ITSN1: variants seen among roughly 807,000 people sequenced by gnomAD.
The protein encoded by ITSN1 is intersectin 1, also known as intersectin-1.
Under a neutral mutation model 239.8 loss-of-function variants are expected in ITSN1, and 58 were observed. The ratio of observed to expected loss-of-function variants is 0.24; its 90% CI spans 0.20 to 0.30. ITSN1 has a LOEUF of 0.30. Ranked by LOEUF, ITSN1 falls within the 10% of genes least tolerant of loss-of-function variation. The pLI is 1.00. For missense variants in ITSN1, 1,558 were observed against 2,103.3 expected (o/e 0.74, Z 5.07); for synonymous variants, 780 against 770.8 (o/e 1.01, Z -0.20).
intron 1 of ITSN1, among the ~76,000 whole-genome samples, chr21:33,658,205 GTCA>G (rs1568860455): frequency 6.6e-6 from 1 of 152,122 alleles, no homozygotes; most frequent in Non-Finnish European, 1.5e-5. Context: ...GTGGAAGTGG[GTCA>G]TCATAACATT....
intron 23 of ITSN1, 89 bp downstream of exon 23, chr21:33,818,561 G>A (rs924644197): frequency 1.4e-5 from 16 of 1,160,484 alleles, no homozygotes; most frequent in Middle Eastern, 2.4e-4. Context: ...ACAGACAGGA[G>A]TTGCGGGATT....
At chr21:33,785,785 G>C (rs532919284) in intron 16 of ITSN1, among the ~76,000 whole-genome samples, 2 of 152,010 alleles carry the variant, frequency 1.3e-5, no homozygotes, top group African/African-American at 2.4e-5. Flanking sequence ...GAAATTGAAG[G>C]CTCATTTTTT....
At chr21:33,727,350 T>C (rs2065888463) in intron 4 of ITSN1, among the ~76,000 whole-genome samples, 1 of 151,808 alleles carries the variant, frequency 6.6e-6, no homozygotes, top group Non-Finnish European at 1.5e-5. Context: ...GGATGAGGGC[T>C]CTGGAATCTG....
chr21:33,728,995 C>T (rs1248520769), intron 4 of ITSN1, among the ~76,000 whole-genome samples: 1 of 152,152 alleles, frequency 6.6e-6, no homozygotes, highest in Non-Finnish European at 1.5e-5. Context: ...GAGAGATGAG[C>T]AGCCTGAGGC....
In ITSN1 at chr21:33,751,967, A is replaced by C. The variant is rs112669669; in HGVS notation, c.623+61A>C. The C allele has an allele frequency of 1.7e-3, 1,852 of 1,073,246 alleles. 23 individuals are homozygous for C. In the African/African-American group the frequency reaches 0.026, roughly 15 times the overall value. 66.5% of individuals were successfully genotyped at this position (1,073,246 alleles called of 1,614,324 possible). ...AAGGCCATTACCTGATTAAATCATA[A>C]ATTTGACCATGAATCATCTATATTC... On this transcript the variant is annotated intron_variant, in intron 7 of 39. Transcript: ENST00000381318.
intron 25 of ITSN1, among the ~76,000 whole-genome samples, chr21:33,824,862 C>T (rs1206150195): frequency 2.6e-5 from 4 of 152,192 alleles, no homozygotes; most frequent in African/African-American, 9.7e-5. Context: ...AGTCTGCCCA[C>T]CCTTGGAGAA....
rs746335223 is a variant in ITSN1 at position 33,781,495 on chromosome 21, A to G, written c.1631A>G (p.Glu544Gly). The G allele has an allele frequency of 6.3e-7, 1 of 1,598,916 alleles. No homozygotes were observed. Among genetic ancestry groups the G allele is most frequent in the South Asian group, 1.1e-5 (1 of 88,720 alleles). ...CAAATGCTTGGAAGACTTATTCCAG[A>G]AAAACAGATACTCAATGACCAATTA... ...SQQMLGRLIP[E>G]KQILNDQLKQ... Residue 544 changes from glutamate (E) to glycine (G), a missense_variant, in exon 15 of 40, where the codon GAA becomes GGA. This residue lies in a region of ITSN1 where 982 missense variants were observed against 1,209.9 expected (regional missense o/e 0.81). Coordinates refer to ENST00000381318, the MANE Select transcript of ITSN1 (RefSeq NM_003024.3).
chr21:33,654,571 C>T (rs2088868154), intron 1 of ITSN1, among the ~76,000 whole-genome samples: 1 of 152,072 alleles, frequency 6.6e-6, no homozygotes, highest in Admixed American at 6.5e-5. Context: ...TTCTTCCTAC[C>T]TCCTTCTCTA....
intron 5 of ITSN1, among the ~76,000 whole-genome samples, chr21:33,739,313 A>G (rs1181967346): frequency 6.6e-6 from 1 of 152,104 alleles, no homozygotes; most frequent in Non-Finnish European, 1.5e-5. Flanking sequence ...ACTCAGCATA[A>G]TTCTTTTGTT....
intron 27 of ITSN1, 80 bp from the exon 28 acceptor site, chr21:33,834,227 A>AT (rs113174315): frequency 2.1e-6 from 2 of 971,368 alleles, no homozygotes; most frequent in Non-Finnish European, 3.3e-6. Context: ...TAAGCTTTAC[A>AT]TAAGTGCTCT....
chr21:33,762,407 T>C (rs7278143), intron 9 of ITSN1, among the ~76,000 whole-genome samples: 5,624 of 150,298 alleles, frequency 0.037, 361 homozygotes, highest in African/African-American at 0.13. Flanking sequence ...GCTGGGATTA[T>C]AGGCATGCAC....
At chr21:33,757,610 TTGA>T (rs1213762636) in intron 8 of ITSN1, among the ~76,000 whole-genome samples, 2 of 152,134 alleles carry the variant, frequency 1.3e-5, no homozygotes. Flanking sequence ...AATTAGAATG[TTGA>T]TGGAAACAGC....
chr21:33,669,085 G>T (rs1322018357), intron 1 of ITSN1, among the ~76,000 whole-genome samples: 2 of 152,190 alleles, frequency 1.3e-5, no homozygotes, highest in South Asian at 4.1e-4. Context: ...AGACAGAGAA[G>T]AAGGTATTGT....
At chr21:33,725,631 T>C (rs2147143638) in intron 4 of ITSN1, among the ~76,000 whole-genome samples, 1 of 152,218 alleles carries the variant, frequency 6.6e-6, no homozygotes, top group Non-Finnish European at 1.5e-5. Context: ...TTCTAAACTA[T>C]TTTTACCTGA....
At chr21:33,780,160 T>C (rs1464917161) in intron 14 of ITSN1, among the ~76,000 whole-genome samples, 1 of 152,228 alleles carries the variant, frequency 6.6e-6, no homozygotes, top group Non-Finnish European at 1.5e-5. Context: ...TTTCATAAAA[T>C]ATTCTCCTGG....
rs1244973730 is a variant in ITSN1, at chr21:33,887,983, T to A, written c.5018-169T>A. Among the ~76,000 whole-genome samples the A allele has an allele frequency of 2.0e-5, 3 of 151,944 alleles. No individual in the cohort carries two copies. The South Asian group carries it at 6.2e-4, about 32-fold the overall frequency. On this transcript the variant is annotated intron_variant, in intron 39 of 39. Coordinates refer to ENST00000381318, the MANE Select transcript of ITSN1 (RefSeq NM_003024.3). ...TAAGTAATGAAATACCATGACACAT[T>A]GGCAACTCCGCTGGGGAGCGAGTTG...
At chr21:33,744,566 C>T (rs2067068968) in intron 5 of ITSN1, among the ~76,000 whole-genome samples, 1 of 152,132 alleles carries the variant, frequency 6.6e-6, no homozygotes, top group African/African-American at 2.4e-5. Flanking sequence ...CTTGAAATAT[C>T]ATTTCTCACC....
chr21:33,815,884 CGACA>C (rs1307234241), intron 22 of ITSN1, among the ~76,000 whole-genome samples: 1 of 111,460 alleles, frequency 9.0e-6, no homozygotes, highest in Non-Finnish European at 2.2e-5. Context: ...ATGAGGGATC[CGACA>C]AAGAAGAATG....
chr21:33,710,942 A>G (rs554058961), intron 1 of ITSN1, among the ~76,000 whole-genome samples: 1 of 151,676 alleles, frequency 6.6e-6, no homozygotes, highest in Non-Finnish European at 1.5e-5. Context: ...AGCAGCTGGG[A>G]CTACAGGCGC....
Sources: gnomAD v4.1 joint callset for allele counts (sites outside exome capture counted in the v4.1 genomes callset) on GRCh38, gnomAD v4.1.1 for gene constraint, gnomAD v4.1.1 regional missense constraint, MANE v1.5 for transcripts, NCBI Gene and HGNC (gene_info 2026-07-23, HGNC 2026-07-21) for gene names.